The following PTPN3 variants were observed in gnomAD, a reference collection of about 807,000 sequenced individuals.
PTPN3 encodes the protein tyrosine-protein phosphatase non-receptor type 3.
PTPN3 carries 96 observed loss-of-function variants against 132.7 expected under a neutral mutation model. That is an observed-to-expected ratio of 0.72 (90% CI 0.61 to 0.86). The LOEUF is 0.86. Among genes scored for constraint, PTPN3 ranks in the 40% least tolerant of loss-of-function variants. The probability of loss-of-function intolerance (pLI) is 0.00; values close to 1 mark genes in which losing one functional copy is unlikely to be tolerated. For synonymous variants in PTPN3, 398 were observed against 429.0 expected (o/e 0.93, Z 0.89); for missense variants, 1,125 against 1,159.6 (o/e 0.97, Z 0.43).
intron 10 of PTPN3, 88 bp from the exon 11 acceptor site, chr9:109,428,772 C>T: frequency 6.6e-7 from 1 of 1,510,222 alleles, no homozygotes; most frequent in Middle Eastern, 1.7e-4. Flanking sequence ...TCCTTTACTC[C>T]ATGATCCTGA....
chr9:109,421,550 C>T (rs994417876), intron 13 of PTPN3, among the ~76,000 whole-genome samples: 2 of 152,224 alleles, frequency 1.3e-5, no homozygotes, highest in Non-Finnish European at 2.9e-5. Flanking sequence ...GTGGCAACAT[C>T]CAACCCCGCT....
chr9:109,405,475 G>A (rs1296750951), intron 18 of PTPN3, among the ~76,000 whole-genome samples: 8 of 152,206 alleles, frequency 5.3e-5, no homozygotes, highest in Non-Finnish European at 1.0e-4. Flanking sequence ...GGAACTTGAC[G>A]TATTATTTTA....
chr9:109,432,107 A>G (rs1843701552), intron 10 of PTPN3, among the ~76,000 whole-genome samples: 1 of 149,322 alleles, frequency 6.7e-6, no homozygotes, highest in Non-Finnish European at 1.5e-5. Flanking sequence ...ACTCATTAAT[A>G]TTATATATAT....
At chr9:109,393,879 C>A (rs1840347250) in intron 19 of PTPN3, among the ~76,000 whole-genome samples, 1 of 152,116 alleles carries the variant, frequency 6.6e-6, no homozygotes, top group Admixed American at 6.6e-5. Flanking sequence ...ACAGAACTCC[C>A]CAGAAGATAA....
At position 109,443,937 on chromosome 9, in the gene PTPN3, T is replaced by A. The variant is rs112471855; in HGVS notation, c.466+1303A>T. ...GTTCCATGCAGGTGGGTGGGTAAGC[T>A]GCAGGCCCAGCCACCTTGCTCTTCA... On this transcript the variant is annotated intron_variant, in intron 7 of 25. Coordinates refer to ENST00000374541, the MANE Select transcript of PTPN3 (RefSeq NM_002829.4). Among the ~76,000 whole-genome samples, 639 of 152,280 alleles carry A rather than the reference T, an allele frequency of 4.2e-3. 9 individuals are homozygous for A. Among genetic ancestry groups the A allele is most frequent in the African/African-American group, 0.014 (600 of 41,554 alleles).
intron 1 of PTPN3, among the ~76,000 whole-genome samples, chr9:109,463,807 A>G (rs900337830): frequency 6.6e-6 from 1 of 152,210 alleles, no homozygotes; most frequent in African/African-American, 2.4e-5. Context: ...CATGGTATAA[A>G]TATGATTTCA....
rs1564361892 is a variant in PTPN3, at chr9:109,377,459, A to ACACACACAC, written c.*2096_*2097insGTGTGTGTG. 3.5e-4 allele frequency: 37 copies of ACACACACAC among 104,576 alleles called. 1 individual carries two copies. Among genetic ancestry groups the ACACACACAC allele is most frequent in the African/African-American group, 1.1e-3 (30 of 26,142 alleles). 6.5% of individuals were successfully genotyped at this position (104,576 alleles called of 1,614,324 possible). A position where few individuals can be genotyped will look rare whatever the true frequency, so the allele number is the denominator to read the frequency against. On this transcript the variant is annotated 3_prime_UTR_variant, in exon 26 of 26. Transcript: ENST00000374541. ...ACACACACACACACACACACACACAAGCCAGGTGAGGTGGCATGTGCCTAT... is the reference window on the plus strand; with the variant it reads ...ACACACACACACACACACACACACAACACACACACGCCAGGTGAGGTGGCATGTGCCTAT...
At chr9:109,394,940 C>T (rs1277033751) in intron 19 of PTPN3, among the ~76,000 whole-genome samples, 1 of 151,624 alleles carries the variant, frequency 6.6e-6, no homozygotes, top group Non-Finnish European at 1.5e-5. Flanking sequence ...GAGATTGAGA[C>T]CATCCAGGCT....
intron 14 of PTPN3, among the ~76,000 whole-genome samples, chr9:109,415,031 TGTCCGTCC>T (rs963226577): frequency 8.0e-5 from 5 of 62,248 alleles, no homozygotes; most frequent in African/African-American, 1.7e-4. Flanking sequence ...TTTGTCCGTC[TGTCCGTCC>T]GTCCGTCCGT....
chr9:109,533,940 C>T, the PTPN3 span: 44 of 751,974 alleles, frequency 5.9e-5, no homozygotes, highest in Non-Finnish European at 8.7e-5. Flanking sequence ...TGAACTGGAA[C>T]ACCACCAGGA....
the PTPN3 span, among the ~76,000 whole-genome samples, chr9:109,513,454 T>TC: frequency 3.3e-5 from 5 of 152,294 alleles, no homozygotes; most frequent in African/African-American, 4.8e-5. Flanking sequence ...TTTATCCTGT[T>TC]CCCCCCCAGA....
the PTPN3 span, among the ~76,000 whole-genome samples, chr9:109,515,565 T>A: frequency 1.3e-5 from 2 of 152,188 alleles, no homozygotes; most frequent in African/African-American, 2.4e-5. Context: ...AAGGAATACC[T>A]GAGACTGGGT....
Position 109,434,806 on chromosome 9 carries a change from T to A in PTPN3, c.676-1645A>T, listed in dbSNP as rs76959485. Among the ~76,000 whole-genome samples, 3 of 152,180 alleles carry A rather than the reference T, an allele frequency of 2.0e-5. No individual in the cohort carries two copies. The South Asian group carries it at 6.2e-4, about 32-fold the overall frequency. Reference sequence around the variant, plus strand: ...GAGAGATGAAAACCTAGAAGGGGGCTTGGCATATGGAGCTTCTAGAAGAGA... The same window carrying A: ...GAGAGATGAAAACCTAGAAGGGGGCATGGCATATGGAGCTTCTAGAAGAGA... On this transcript the variant is annotated intron_variant, in intron 9 of 25. Coordinates refer to ENST00000374541, the MANE Select transcript of PTPN3 (RefSeq NM_002829.4).
chr9:109,486,601 G>C (rs947315903), intron 1 of PTPN3, among the ~76,000 whole-genome samples: 1 of 152,156 alleles, frequency 6.6e-6, no homozygotes, highest in South Asian at 2.1e-4. Flanking sequence ...TAAGAAAGAA[G>C]GTGATGAGCT....
intron 1 of PTPN3, among the ~76,000 whole-genome samples, chr9:109,465,175 T>C (rs149452017): frequency 6.6e-6 from 1 of 152,306 alleles, no homozygotes; most frequent in African/African-American, 2.4e-5. Flanking sequence ...AGGAAACTGG[T>C]TTAACCGGTG....
At chr9:109,512,185 C>T in the PTPN3 span, among the ~76,000 whole-genome samples, 1 of 152,178 alleles carries the variant, frequency 6.6e-6, no homozygotes, top group Non-Finnish European at 1.5e-5. Flanking sequence ...CCTGGCCGTG[C>T]ATCAGAATTA....
At chr9:109,408,994 T>A (rs3829085) in intron 16 of PTPN3, among the ~76,000 whole-genome samples, 1 of 151,652 alleles carries the variant, frequency 6.6e-6, no homozygotes, top group Non-Finnish European at 1.5e-5. Context: ...AGGCTGTGCA[T>A]GATGGCAGCT....
chr9:109,448,729 T>C (rs1478597174), intron 6 of PTPN3, 82 bp downstream of exon 6: 2 of 1,331,832 alleles, frequency 1.5e-6, no homozygotes, highest in Admixed American at 2.1e-5. Flanking sequence ...TTGATATTGT[T>C]ACCAGAAATA....
rs773780893 is a variant in PTPN3, at chr9:109,381,780, T to C, written c.2536A>G (p.Ile846Val). ...EPVLVHCSAGIGRTGVLVTME... is the reference protein window; with the variant it reads ...EPVLVHCSAGVGRTGVLVTME... ...GTGACCAACACACCGGTTCGACCTATTCCAGCACTGGAGAGGGGAGAGAAG... is the reference window on the plus strand; with the variant it reads ...GTGACCAACACACCGGTTCGACCTACTCCAGCACTGGAGAGGGGAGAGAAG... The change falls in exon 25 of 26, where the codon ATA (isoleucine) becomes GTA (valine). Residue 846 changes from isoleucine (I) to valine (V), a missense_variant. Transcript: ENST00000374541. The C allele has an allele frequency of 1.2e-5, 19 of 1,614,142 alleles. No individual in the cohort carries two copies. The highest frequency in any genetic ancestry group is 1.6e-5 in the Non-Finnish European group (19 of 1,180,046).
Sources: gnomAD v4.1 joint callset for allele counts (sites outside exome capture counted in the v4.1 genomes callset) on GRCh38, gnomAD v4.1.1 for gene constraint, MANE v1.5 for transcripts, NCBI Gene and HGNC (gene_info 2026-07-23, HGNC 2026-07-21) for gene names.